The following TENM3 variants were observed in gnomAD, a reference collection of about 807,000 sequenced individuals.
TENM3 encodes teneurin-3.
A neutral mutation model predicts 255.1 loss-of-function variants in TENM3; 63 were observed. The observed-to-expected ratio is 0.25, with a 90% CI of 0.20 to 0.30. TENM3 has a LOEUF of 0.30. Ranked by LOEUF, TENM3 falls within the 10% of genes least tolerant of loss-of-function variation. The pLI, the probability that TENM3 is intolerant of heterozygous loss-of-function variation, is 1.00. For missense variants in TENM3, 2,929 were observed against 3,461.1 expected (o/e 0.85, Z 3.86); for synonymous variants, 1,306 against 1,322.3 (o/e 0.99, Z 0.27).
Position 182,800,413 on chromosome 4 carries a change from G to A in TENM3, c.*62G>A. 2 of 1,480,386 alleles carry A rather than the reference G, an allele frequency of 1.4e-6. No homozygotes were observed. Among genetic ancestry groups the A allele is most frequent in the East Asian group, 2.6e-5 (1 of 39,044 alleles). The allele number at this position is 1,480,386 out of a possible 1,614,324, so 91.7% of individuals were successfully genotyped here. On this transcript the variant is annotated 3_prime_UTR_variant, in exon 28 of 28. Coordinates refer to ENST00000511685, the MANE Select transcript of TENM3 (RefSeq NM_001080477.4). Reference sequence around the variant, plus strand: ...CCCACATTGTCCTGTGGCACAACCCGAGTGGGACTCTCCAACGCCCAAGAG... The same window carrying A: ...CCCACATTGTCCTGTGGCACAACCCAAGTGGGACTCTCCAACGCCCAAGAG...
the TENM3 span, among the ~76,000 whole-genome samples, chr4:181,898,416 G>A: frequency 6.6e-6 from 1 of 151,950 alleles, no homozygotes; most frequent in African/African-American, 2.4e-5. Context: ...CCTGTTCCTG[G>A]TTTATATTTT....
the TENM3 span, among the ~76,000 whole-genome samples, chr4:181,896,755 C>G: frequency 6.6e-6 from 1 of 152,174 alleles, no homozygotes; most frequent in Admixed American, 6.5e-5. Context: ...TGCTGTCTCT[C>G]AGTAGACACC....
chr4:182,100,764 T>C, the TENM3 span, among the ~76,000 whole-genome samples: 3 of 70,852 alleles, frequency 4.2e-5, no homozygotes, highest in South Asian at 4.5e-4. Flanking sequence ...TATATACACA[T>C]ATATATACAC....
chr4:182,160,149 C>T (rs1185820082), intron 1 of TENM3, among the ~76,000 whole-genome samples: 5 of 149,696 alleles, frequency 3.3e-5, no homozygotes, highest in African/African-American at 7.3e-5. Flanking sequence ...ACTACAGGCG[C>T]CCGCCACCAC....
the TENM3 span, among the ~76,000 whole-genome samples, chr4:181,716,638 C>T: frequency 2.0e-5 from 3 of 152,044 alleles, no homozygotes; most frequent in African/African-American, 7.2e-5. Context: ...AAATCAGAGT[C>T]ATAAAAATAG....
the TENM3 span, among the ~76,000 whole-genome samples, chr4:181,982,047 C>A: frequency 6.6e-6 from 1 of 152,048 alleles, no homozygotes; most frequent in Non-Finnish European, 1.5e-5. Flanking sequence ...TGAGAGAGAT[C>A]AATAAATCCC....
At chr4:182,192,060 A>G (rs1197543339) in intron 1 of TENM3, among the ~76,000 whole-genome samples, 1 of 152,170 alleles carries the variant, frequency 6.6e-6, no homozygotes, top group African/African-American at 2.4e-5. Context: ...TTTTAAATAG[A>G]GGGGAAGAAG....
the TENM3 span, among the ~76,000 whole-genome samples, chr4:181,520,551 C>T: frequency 6.6e-6 from 1 of 151,640 alleles, no homozygotes; most frequent in Non-Finnish European, 1.5e-5. Context: ...ATAAAACAAA[C>T]AAAAAAACCT....
chr4:182,010,760 AC>A, the TENM3 span, among the ~76,000 whole-genome samples: 2 of 152,324 alleles, frequency 1.3e-5, no homozygotes, highest in Non-Finnish European at 2.9e-5. Flanking sequence ...AAGGTTAAAA[AC>A]AAAAATAAAA....
chr4:182,685,112 C>T (rs1313211038), intron 11 of TENM3, among the ~76,000 whole-genome samples: 2 of 152,074 alleles, frequency 1.3e-5, no homozygotes, highest in African/African-American at 4.8e-5. Flanking sequence ...CTGTTGAACT[C>T]ATATACTACT....
At chr4:181,733,523 C>G in the TENM3 span, among the ~76,000 whole-genome samples, 2 of 152,160 alleles carry the variant, frequency 1.3e-5, no homozygotes, top group Non-Finnish European at 2.9e-5. Flanking sequence ...CCTTAGATAA[C>G]GCTTGAGCAT....
At chr4:181,525,376 G>A in the TENM3 span, among the ~76,000 whole-genome samples, 22 of 136,162 alleles carry the variant, frequency 1.6e-4, no homozygotes, top group Non-Finnish European at 3.2e-4. Context: ...CAGCCTGGGC[G>A]GTAGAGCAAG....
At chr4:182,509,862 A>G (rs1195857034) in intron 3 of TENM3, among the ~76,000 whole-genome samples, 1 of 149,420 alleles carries the variant, frequency 6.7e-6, no homozygotes, top group Non-Finnish European at 1.5e-5. Context: ...ACTTGAACCC[A>G]GGAGGCAGAG....
chr4:181,990,017 A>G, the TENM3 span, among the ~76,000 whole-genome samples: 5 of 152,122 alleles, frequency 3.3e-5, no homozygotes, highest in African/African-American at 7.2e-5. Context: ...AATTATCTAT[A>G]TTTTCAGAGT....
chr4:182,621,084 G>A (rs1750083163), intron 4 of TENM3, among the ~76,000 whole-genome samples: 2 of 152,076 alleles, frequency 1.3e-5, no homozygotes, highest in South Asian at 4.2e-4. Flanking sequence ...GGGAGGCTGA[G>A]GCAGGAGAAT....
chr4:182,195,490 A>G (rs1325079250), intron 1 of TENM3, among the ~76,000 whole-genome samples: 1 of 152,076 alleles, frequency 6.6e-6, no homozygotes, highest in Non-Finnish European at 1.5e-5. Flanking sequence ...AATAGAAAAA[A>G]TTAGCTGAGC....
the TENM3 span, among the ~76,000 whole-genome samples, chr4:181,754,170 G>A: frequency 3.9e-5 from 6 of 152,000 alleles, no homozygotes; most frequent in Non-Finnish European, 7.4e-5. Flanking sequence ...TGACAAAAGC[G>A]AGTCTTGAAG....
chr4:182,637,004 A>G (rs1162020384), intron 5 of TENM3, among the ~76,000 whole-genome samples: 3 of 152,214 alleles, frequency 2.0e-5, no homozygotes, highest in Non-Finnish European at 2.9e-5. Flanking sequence ...GCTACGTTGC[A>G]TAAATATTTA....
intron 1 of TENM3, among the ~76,000 whole-genome samples, chr4:182,180,552 A>G (rs1752777687): frequency 6.6e-6 from 1 of 152,102 alleles, no homozygotes; most frequent in African/African-American, 2.4e-5. Context: ...AAGTCATTCT[A>G]TATGAGTAAA....
Sources: gnomAD v4.1 joint callset for allele counts (sites outside exome capture counted in the v4.1 genomes callset) on GRCh38, gnomAD v4.1.1 for gene constraint, MANE v1.5 for transcripts, NCBI Gene and HGNC (gene_info 2026-07-23, HGNC 2026-07-21) for gene names.